PPFIBP1: variants seen among roughly 807,000 people sequenced by gnomAD.
PPFIBP1 encodes the protein liprin-beta-1.
A neutral mutation model predicts 137.8 loss-of-function variants in PPFIBP1; 112 were observed. That is an observed-to-expected ratio of 0.81 (90% confidence interval 0.70 to 0.95). The LOEUF is 0.95. PPFIBP1 is among the 40% of genes least tolerant of loss of function. PPFIBP1 has a pLI of 0.00. For synonymous variants in PPFIBP1, 378 were observed against 417.3 expected (o/e 0.91, Z 1.15); for missense variants, 1,083 against 1,196.6 (o/e 0.91, Z 1.40).
Position 27,681,620 on chromosome 12 carries a change from C to G in PPFIBP1, c.1970C>G (p.Ser657Trp). Residue 657 changes from serine to tryptophan, a missense_variant, in exon 22 of 30, where the codon TCG becomes TGG. Physicochemically the swap from Ser to Trp is radical, Grantham distance 177. Coordinates refer to ENST00000228425, the MANE Select transcript of PPFIBP1 (RefSeq NM_003622.4). ...CNWLMEQGLG[S>W]YLNSGKHWIA... is the part of the protein sequence containing the mutation. ...TGGCTGATGGAACAGGGCTTGGGCT[C>G]GTACCTGAATTCTGGCAAGCACTGG... The G allele has an allele frequency of 6.2e-7, 1 of 1,614,126 alleles. No homozygotes were observed. Among genetic ancestry groups the G allele is most frequent in the Non-Finnish European group, 8.5e-7 (1 of 1,179,994 alleles).
At chr12:27,579,784 G>A (rs377190474) in intron 2 of PPFIBP1, among the ~76,000 whole-genome samples, 13 of 152,204 alleles carry the variant, frequency 8.5e-5, no homozygotes, top group African/African-American at 2.2e-4. Flanking sequence ...ACTTTGGAAT[G>A]ATGTTGAACT....
chr12:27,688,867 C>T, intron 26 of PPFIBP1, 148 bp from the exon 27 acceptor site: 1 of 703,644 alleles, frequency 1.4e-6, no homozygotes, highest in Non-Finnish European at 2.3e-6. Flanking sequence ...AATTAAAGAT[C>T]AAAGTCCATA....
intron 4 of PPFIBP1, among the ~76,000 whole-genome samples, chr12:27,644,500 TC>T (rs933932464): frequency 6.6e-6 from 1 of 152,120 alleles, no homozygotes; most frequent in Non-Finnish European, 1.5e-5. Flanking sequence ...ATGTCCATAA[TC>T]AAAATAAGGA....
At chr12:27,568,288 T>G (rs978689091) in intron 1 of PPFIBP1, among the ~76,000 whole-genome samples, 1 of 152,200 alleles carries the variant, frequency 6.6e-6, no homozygotes, top group African/African-American at 2.4e-5. Flanking sequence ...TCTGGTTCAT[T>G]AGGGAGATTT....
chr12:27,664,249 C>A, intron 11 of PPFIBP1, 113 bp from the exon 12 acceptor site: 1 of 692,076 alleles, frequency 1.4e-6, no homozygotes, highest in Non-Finnish European at 2.5e-6. Flanking sequence ...GCTCTCTCGG[C>A]AGAATCATGC....
At chr12:27,656,808 C>A in intron 9 of PPFIBP1, 78 bp downstream of exon 9, 1 of 990,728 alleles carries the variant, frequency 1.0e-6, no homozygotes, top group Non-Finnish European at 1.6e-6. Flanking sequence ...CAATGAAAAT[C>A]AATGTGTAGT....
intron 1 of PPFIBP1, among the ~76,000 whole-genome samples, chr12:27,553,035 T>C (rs1211533074): frequency 1.3e-5 from 2 of 152,126 alleles, no homozygotes; most frequent in Non-Finnish European, 2.9e-5. Flanking sequence ...ACTTGGATTT[T>C]ACAAGGAAGT....
intron 1 of PPFIBP1, among the ~76,000 whole-genome samples, chr12:27,560,047 G>A (rs1157234129): frequency 6.6e-6 from 1 of 152,184 alleles, no homozygotes. Flanking sequence ...AATTTGTGTT[G>A]ACAGGTAAGT....
chr12:27,644,627 A>G (rs2058348773), intron 4 of PPFIBP1, among the ~76,000 whole-genome samples: 2 of 152,022 alleles, frequency 1.3e-5, no homozygotes, highest in Non-Finnish European at 1.5e-5. Flanking sequence ...ATTTATTTTT[A>G]TGTTAGTCCC....
chr12:27,679,427 G>A, intron 19 of PPFIBP1, 62 bp from the exon 20 acceptor site: 3 of 1,484,808 alleles, frequency 2.0e-6, no homozygotes, highest in Non-Finnish European at 2.8e-6. Flanking sequence ...GAACCAAGAA[G>A]ATTAACATCA....
At chr12:27,618,616 A>G (rs544827758) in intron 2 of PPFIBP1, among the ~76,000 whole-genome samples, 10 of 152,234 alleles carry the variant, frequency 6.6e-5, no homozygotes, top group African/African-American at 2.2e-4. Context: ...CCTCCCCCAA[A>G]TTGTGCTCCC....
chr12:27,543,103 C>G (rs374258371), intron 1 of PPFIBP1, among the ~76,000 whole-genome samples: 1 of 152,056 alleles, frequency 6.6e-6, no homozygotes, highest in Non-Finnish European at 1.5e-5. Flanking sequence ...TGGGTCTTTA[C>G]GCCAGACCTT....
intron 12 of PPFIBP1, among the ~76,000 whole-genome samples, chr12:27,665,264 A>G (rs192429535): frequency 8.8e-4 from 134 of 152,298 alleles, no homozygotes; most frequent in Middle Eastern, 3.4e-3. Context: ...AGCCGCAGAA[A>G]CCAATTCAGA....
intron 1 of PPFIBP1, among the ~76,000 whole-genome samples, chr12:27,542,489 C>T (rs1945777591): frequency 6.6e-6 from 1 of 152,188 alleles, no homozygotes. Flanking sequence ...TTGCGCCCAC[C>T]TAGTATATGC....
chr12:27,647,134 T>C (rs1452187667), intron 5 of PPFIBP1, among the ~76,000 whole-genome samples: 1 of 152,202 alleles, frequency 6.6e-6, no homozygotes, highest in Non-Finnish European at 1.5e-5. Context: ...CCTGAGTAAC[T>C]GGGATTACAG....
intron 1 of PPFIBP1, among the ~76,000 whole-genome samples, chr12:27,546,002 A>T (rs1946207097): frequency 6.6e-6 from 1 of 152,190 alleles, no homozygotes; most frequent in Non-Finnish European, 1.5e-5. Context: ...AGAGTCATTG[A>T]GAAAGAAGAG....
chr12:27,633,342 A>G lies in PPFIBP1; in HGVS notation c.-35-20A>G. 3 of 1,544,928 alleles carry G rather than the reference A, an allele frequency of 1.9e-6. No homozygotes were observed. Among genetic ancestry groups the G allele is most frequent in the East Asian group, 2.2e-5 (1 of 44,450 alleles). ...CCTATGTCATTTAATGGATGTAATG[A>G]TAACCTTATTTTTTTTCAGATCTGG... is the stretch of plus-strand genomic sequence containing the variant. On this transcript the variant is annotated intron_variant, in intron 2 of 29. Transcript: ENST00000228425.
intron 1 of PPFIBP1, among the ~76,000 whole-genome samples, chr12:27,532,479 T>C (rs1430837558): frequency 1.3e-5 from 2 of 151,754 alleles, no homozygotes; most frequent in East Asian, 3.9e-4. Context: ...TTTTTTACAG[T>C]ATATTACATC....
chr12:27,529,092 A>G lies in PPFIBP1; in HGVS notation c.-124+4727A>G, dbSNP rs376680240. 2.6e-5 allele frequency among the ~76,000 whole-genome samples: 4 copies of G among 152,190 alleles called. No individual in the cohort carries two copies. In the East Asian group the frequency reaches 5.8e-4, roughly 22 times the overall value. On this transcript the variant is annotated intron_variant, in intron 1 of 29. Transcript: ENST00000228425. ...GCCTGAAGGAATTGTATAAACTCAA[A>G]TTGCACTGAGTATCCGTCATTCTGG...
Sources: gnomAD v4.1 joint callset for allele counts (sites outside exome capture counted in the v4.1 genomes callset) on GRCh38, gnomAD v4.1.1 for gene constraint, MANE v1.5 for transcripts, NCBI Gene and HGNC (gene_info 2026-07-23, HGNC 2026-07-21) for gene names.